ACBD6: variants seen among roughly 807,000 people sequenced by gnomAD.
The protein encoded by ACBD6 is acyl-CoA binding domain containing 6, also known as acyl-CoA-binding domain-containing protein 6.
In ACBD6, 28 loss-of-function variants were observed where a neutral mutation model predicts 37.2. The ratio of observed to expected loss-of-function variants is 0.75; its 90% CI spans 0.56 to 1.03. ACBD6 has a LOEUF of 1.03. Ranked by LOEUF, ACBD6 falls within the 50% of genes least tolerant of loss-of-function variation. The pLI is 0.00. For synonymous variants in ACBD6, 113 were observed against 126.8 expected, an observed-to-expected ratio of 0.89 and a Z score of 0.73; for missense variants, 340 against 337.4, an observed-to-expected ratio of 1.01 and a Z score of -0.06.
chr1:180,414,388 C>CA (rs756825323), intron 4 of ACBD6, among the ~76,000 whole-genome samples: 1 of 152,182 alleles, frequency 6.6e-6, no homozygotes, highest in Non-Finnish European at 1.5e-5. Flanking sequence ...CATCAGAAAG[C>CA]AAAACACCTG....
chr1:180,466,103 T>C (rs1048673206), intron 3 of ACBD6, among the ~76,000 whole-genome samples: 5 of 152,108 alleles, frequency 3.3e-5, no homozygotes, highest in Admixed American at 6.6e-5. Flanking sequence ...GGTATGTGTT[T>C]ATCAATGTAA....
At chr1:180,303,735 A>T (rs1320753455) in intron 7 of ACBD6, among the ~76,000 whole-genome samples, 1 of 150,932 alleles carries the variant, frequency 6.6e-6, no homozygotes, top group African/African-American at 2.4e-5. Context: ...AAAAAGATGG[A>T]ATCCTCCCTA....
At chr1:180,401,828 G>A (rs2101957492) in intron 5 of ACBD6, among the ~76,000 whole-genome samples, 1 of 150,854 alleles carries the variant, frequency 6.6e-6, no homozygotes, top group Non-Finnish European at 1.5e-5. Context: ...GGAGAGGAGG[G>A]AAGGAAGGAG....
intron 3 of ACBD6, among the ~76,000 whole-genome samples, chr1:180,491,370 T>G (rs1651496496): frequency 6.6e-6 from 1 of 152,236 alleles, no homozygotes; most frequent in African/African-American, 2.4e-5. Context: ...TAACCTCACC[T>G]TTATTAAATT....
At chr1:180,293,614 T>C (rs1356716273) in intron 7 of ACBD6, among the ~76,000 whole-genome samples, 3 of 152,144 alleles carry the variant, frequency 2.0e-5, no homozygotes, top group Non-Finnish European at 4.4e-5. Context: ...GCCAATTTCA[T>C]CCTTAAATAC....
intron 6 of ACBD6, among the ~76,000 whole-genome samples, chr1:180,316,997 G>A (rs1650839549): frequency 6.6e-6 from 1 of 152,148 alleles, no homozygotes; most frequent in South Asian, 2.1e-4. Context: ...AGATACTAAG[G>A]TGGTCATGCA....
intron 4 of ACBD6, among the ~76,000 whole-genome samples, chr1:180,415,779 T>C (rs1022184767): frequency 1.3e-5 from 2 of 152,194 alleles, no homozygotes; most frequent in African/African-American, 4.8e-5. Flanking sequence ...ATGTATACCG[T>C]TGTAAGCAGT....
intron 6 of ACBD6, among the ~76,000 whole-genome samples, chr1:180,319,268 A>G (rs1030296633): frequency 6.6e-6 from 1 of 152,248 alleles, no homozygotes; most frequent in African/African-American, 2.4e-5. Context: ...AGTGTCTTGC[A>G]TATACTGTGT....
At chr1:180,420,418 C>T (rs1037287605) in intron 4 of ACBD6, among the ~76,000 whole-genome samples, 8 of 152,196 alleles carry the variant, frequency 5.3e-5, no homozygotes, top group Non-Finnish European at 8.8e-5. Context: ...ATGGATCCTT[C>T]CCGACCTTCA....
intron 3 of ACBD6, among the ~76,000 whole-genome samples, chr1:180,483,000 C>A (rs780529877): frequency 7.2e-5 from 11 of 152,126 alleles, no homozygotes; most frequent in Non-Finnish European, 1.5e-4. Flanking sequence ...ATACCTAAGT[C>A]TTTTTACAAG....
intron 6 of ACBD6, among the ~76,000 whole-genome samples, chr1:180,389,411 T>C (rs961394110): frequency 2.0e-5 from 3 of 152,204 alleles, no homozygotes; most frequent in African/African-American, 7.2e-5. Flanking sequence ...TTGTTGGACA[T>C]TTGGGTTGGT....
At chr1:180,482,416 T>G (rs1437625086) in intron 3 of ACBD6, among the ~76,000 whole-genome samples, 1 of 151,908 alleles carries the variant, frequency 6.6e-6, no homozygotes, top group African/African-American at 2.4e-5. Flanking sequence ...CAATGGATGC[T>G]AGTCTAAACA....
chr1:180,488,715 C>T (rs1194228522), intron 3 of ACBD6, among the ~76,000 whole-genome samples: 1 of 152,072 alleles, frequency 6.6e-6, no homozygotes, highest in African/African-American at 2.4e-5. Flanking sequence ...GCTGAGACTA[C>T]AGGGCACACC....
intron 1 of ACBD6, among the ~76,000 whole-genome samples, chr1:180,496,500 C>T (rs969980966): frequency 1.4e-4 from 21 of 152,174 alleles, no homozygotes; most frequent in African/African-American, 4.6e-4. Flanking sequence ...GAATGATCTA[C>T]TGACTGCCTT....
At chr1:180,425,849 C>T (rs1440202419) in intron 4 of ACBD6, among the ~76,000 whole-genome samples, 1 of 152,128 alleles carries the variant, frequency 6.6e-6, no homozygotes, top group Non-Finnish European at 1.5e-5. Context: ...GTTCATATTT[C>T]ACCAAGAATA....
chr1:180,382,457 A>C (rs1025174742), intron 6 of ACBD6, among the ~76,000 whole-genome samples: 1 of 152,168 alleles, frequency 6.6e-6, no homozygotes, highest in Admixed American at 6.5e-5. Flanking sequence ...AAACCTAGAG[A>C]AAATGGGTAA....
chr1:180,350,973 T>A (rs1558261879), intron 6 of ACBD6, among the ~76,000 whole-genome samples: 2 of 152,194 alleles, frequency 1.3e-5, no homozygotes, highest in Non-Finnish European at 1.5e-5. Context: ...GGTCATGGAG[T>A]AAGTATTTAA....
chr1:180,431,588 T>C (rs921922775), intron 3 of ACBD6, among the ~76,000 whole-genome samples: 18 of 152,194 alleles, frequency 1.2e-4, no homozygotes, highest in Admixed American at 7.9e-4. Context: ...TGACTTATAA[T>C]AGATTTACCA....
At chr1:180,383,714 G>C (rs1307903700) in intron 6 of ACBD6, among the ~76,000 whole-genome samples, 1 of 152,032 alleles carries the variant, frequency 6.6e-6, no homozygotes, top group Non-Finnish European at 1.5e-5. Flanking sequence ...AATAGCTAAA[G>C]CAATCCTGAG....
Sources: allele counts gnomAD v4.1 joint callset (sites outside exome capture counted in the v4.1 genomes callset), GRCh38; gene constraint gnomAD v4.1.1; transcripts MANE v1.5; gene names NCBI Gene and HGNC (gene_info 2026-07-23, HGNC 2026-07-21).